ORC5: variants seen among roughly 807,000 people sequenced by gnomAD.
ORC5 encodes the protein origin recognition complex subunit 5.
In ORC5, 39 loss-of-function variants were observed where a neutral mutation model predicts 58.8. The ratio of observed to expected loss-of-function variants is 0.66; its 90% confidence interval spans 0.51 to 0.87. The LOEUF is 0.87. Among genes scored for constraint, ORC5 ranks in the 40% least tolerant of loss-of-function variants. The pLI is 0.00. For missense variants in ORC5, 493 were observed against 506.3 expected, an observed-to-expected ratio of 0.97 and a Z score of 0.25; for synonymous variants, 218 against 177.6, an observed-to-expected ratio of 1.23 and a Z score of -1.81.
intron 1 of ORC5, 71 bp downstream of exon 1, chr7:104,207,762 A>C (rs1800129490): frequency 1.4e-6 from 2 of 1,462,194 alleles, no homozygotes; most frequent in Non-Finnish European, 1.9e-6. Flanking sequence ...GAAAAAACAA[A>C]TATTGGAACA....
chr7:104,200,740 T>C lies in ORC5; in HGVS notation c.366+18A>G, dbSNP rs753197039. 2 of 1,405,772 alleles carry C rather than the reference T, an allele frequency of 1.4e-6. No individual in the cohort carries two copies. The highest frequency in any genetic ancestry group is 1.2e-5 in the South Asian group (1 of 83,722). The allele number at this position is 1,405,772 out of a possible 1,614,324, so 87.1% of individuals were successfully genotyped here. The stretch of plus-strand genomic sequence containing the variant: ...GTTTTCAAGATAAGAGATGATCTAA[T>C]CAAATGAAATTACTTACAATATATA... On this transcript the variant is annotated intron_variant, in intron 3 of 13. Coordinates refer to ENST00000297431, the MANE Select transcript of ORC5 (RefSeq NM_002553.4).
intron 13 of ORC5, among the ~76,000 whole-genome samples, chr7:104,134,170 C>T (rs1454842500): frequency 6.6e-6 from 1 of 151,856 alleles, no homozygotes; most frequent in Admixed American, 6.6e-5. Context: ...ACCTGTAATC[C>T]CAGGCCTTTG....
chr7:104,136,908 T>A lies in ORC5; in HGVS notation c.1150-15A>T. ...AGAGAGGTAATCTAAAAGAGAACATTTTTATAAGAAACTGTTTTAATAAGA... is the reference window on the plus strand; with the variant it reads ...AGAGAGGTAATCTAAAAGAGAACATATTTATAAGAAACTGTTTTAATAAGA... On this transcript the variant is annotated splice_polypyrimidine_tract_variant and intron_variant, in intron 12 of 13. Transcript: ENST00000297431. The surrounding 1 kb of genome is among the most constrained non-coding windows in gnomAD (Gnocchi z 4.2). 4 of 1,532,824 alleles carry A rather than the reference T, an allele frequency of 2.6e-6. No individual in the cohort carries two copies. Among genetic ancestry groups the A allele is most frequent in the Non-Finnish European group, 3.6e-6 (4 of 1,106,218 alleles). 95.0% of individuals were successfully genotyped at this position (1,532,824 alleles called of 1,614,324 possible).
chr7:104,179,788 G>A (rs191041608), intron 8 of ORC5, among the ~76,000 whole-genome samples: 198 of 152,178 alleles, frequency 1.3e-3, no homozygotes, highest in African/African-American at 4.4e-3. Context: ...TTATATCTCA[G>A]AAGTTTAATG....
chr7:104,142,462 G>T (rs1023786042), intron 12 of ORC5, among the ~76,000 whole-genome samples: 2 of 151,686 alleles, frequency 1.3e-5, no homozygotes, highest in African/African-American at 4.8e-5. Context: ...GCAATCTACA[G>T]AATGGGAGAA....
chr7:104,128,256 GA>G (rs1428510266), intron 13 of ORC5, among the ~76,000 whole-genome samples: 1 of 152,172 alleles, frequency 6.6e-6, no homozygotes, highest in Non-Finnish European at 1.5e-5. Flanking sequence ...TCAAGTAGCT[GA>G]AGGTACAGGC....
intron 12 of ORC5, among the ~76,000 whole-genome samples, chr7:104,154,837 C>T (rs891513883): frequency 6.6e-6 from 1 of 151,782 alleles, no homozygotes; most frequent in African/African-American, 2.4e-5. Context: ...CACATATCTA[C>T]CTGTATTTGA....
At chr7:104,181,854 C>T (rs986974894) in intron 8 of ORC5, among the ~76,000 whole-genome samples, 1 of 151,532 alleles carries the variant, frequency 6.6e-6, no homozygotes, top group Non-Finnish European at 1.5e-5. Flanking sequence ...CTCAGCCTTA[C>T]AGTGAGTGAG....
chr7:104,128,507 A>AC (rs1282055802), intron 13 of ORC5, among the ~76,000 whole-genome samples: 1 of 151,686 alleles, frequency 6.6e-6, no homozygotes, highest in East Asian at 1.9e-4. Context: ...ATAATAGACT[A>AC]CTTTTTTTTT....
chr7:104,158,068 G>T (rs3808012), intron 12 of ORC5, among the ~76,000 whole-genome samples: 87,567 of 151,904 alleles, frequency 0.58, 29,100 homozygotes, highest in Non-Finnish European at 0.76. Context: ...TATCACTTAT[G>T]TAAATGAGAA....
At chr7:104,155,501 A>G (rs1025020330) in intron 12 of ORC5, among the ~76,000 whole-genome samples, 22 of 151,404 alleles carry the variant, frequency 1.5e-4, no homozygotes, top group Non-Finnish European at 3.0e-5. Flanking sequence ...ATTTTATAAT[A>G]TAGTAATATT....
At chr7:104,159,716 T>C (rs1179138244) in intron 12 of ORC5, among the ~76,000 whole-genome samples, 2 of 152,114 alleles carry the variant, frequency 1.3e-5, no homozygotes, top group Non-Finnish European at 2.9e-5. Flanking sequence ...CTCACTTCCC[T>C]AGGCTTTAAA....
At chr7:104,205,636 A>G (rs1220594334) in intron 1 of ORC5, among the ~76,000 whole-genome samples, 1 of 152,176 alleles carries the variant, frequency 6.6e-6, no homozygotes, top group Non-Finnish European at 1.5e-5. Flanking sequence ...AAAATAGACT[A>G]AAAATTTACT....
At chr7:104,190,162 T>A (rs951562861) in intron 5 of ORC5, among the ~76,000 whole-genome samples, 1 of 151,764 alleles carries the variant, frequency 6.6e-6, no homozygotes, top group Non-Finnish European at 1.5e-5. Context: ...AAAAAAAAAA[T>A]TATTAAATAC....
chr7:104,171,392 C>T (rs1024816411), intron 8 of ORC5, among the ~76,000 whole-genome samples: 3 of 152,076 alleles, frequency 2.0e-5, no homozygotes, highest in African/African-American at 4.8e-5. Context: ...GGTAAGGTTG[C>T]GGAATGGCAC....
intron 5 of ORC5, among the ~76,000 whole-genome samples, chr7:104,189,916 A>G (rs1442830439): frequency 6.6e-6 from 1 of 152,150 alleles, no homozygotes; most frequent in African/African-American, 2.4e-5. Context: ...TGGGACTTAG[A>G]ATGGTGTCTG....
chr7:104,126,416 T>C lies in ORC5; in HGVS notation c.*432A>G, dbSNP rs1798429887. ...TTAAAACAGTGGCCTTAGGAAAATC[T>C]GCTTTGGCAAGCGACTGCAGAGGCT... On this transcript the variant is annotated 3_prime_UTR_variant, in exon 14 of 14. Coordinates refer to ENST00000297431, the MANE Select transcript of ORC5 (RefSeq NM_002553.4). The C allele has an allele frequency of 6.4e-6, 1 of 156,558 alleles. No individual in the cohort carries two copies. Among genetic ancestry groups the C allele is most frequent in the South Asian group, 2.1e-4 (1 of 4,860 alleles). 9.7% of individuals were successfully genotyped at this position (156,558 alleles called of 1,614,324 possible).
intron 12 of ORC5, among the ~76,000 whole-genome samples, chr7:104,159,596 C>CATCT (rs1554350921): frequency 1.3e-5 from 2 of 150,462 alleles, no homozygotes; most frequent in Non-Finnish European, 3.0e-5. Flanking sequence ...AAAGAAAAAA[C>CATCT]ATGTACTATC....
intron 1 of ORC5, among the ~76,000 whole-genome samples, chr7:104,205,042 A>AT (rs573189951): frequency 1.2e-3 from 175 of 149,860 alleles, no homozygotes; most frequent in African/African-American, 3.8e-3. Flanking sequence ...TATAGTCTAC[A>AT]TTTTTAAAAT....
Sources: gnomAD v4.1 joint callset for allele counts (sites outside exome capture counted in the v4.1 genomes callset) on GRCh38, gnomAD v4.1.1 for gene constraint, Gnocchi (gnomAD v3.1) non-coding constraint, MANE v1.5 for transcripts, NCBI Gene and HGNC (gene_info 2026-07-23, HGNC 2026-07-21) for gene names.